The following DPP10 variants were observed in gnomAD, a reference collection of about 807,000 sequenced individuals.
DPP10 encodes the protein inactive dipeptidyl peptidase 10.
DPP10 carries 33 observed loss-of-function variants against 120.9 expected under a neutral mutation model. That is an observed-to-expected ratio of 0.27 (90% CI 0.21 to 0.37). The LOEUF (loss-of-function observed/expected upper bound fraction) is 0.37. Among genes scored for constraint, DPP10 ranks in the 10% least tolerant of loss-of-function variants. The probability of loss-of-function intolerance (pLI) is 1.00; values close to 1 mark genes in which losing one functional copy is unlikely to be tolerated. For synonymous variants in DPP10, 337 were observed against 326.1 expected (o/e 1.03, Z -0.36); for missense variants, 816 against 942.8 (o/e 0.87, Z 1.76).
chr2:115,432,805 TG>T (rs2071127759), intron 3 of DPP10, among the ~76,000 whole-genome samples: 1 of 151,656 alleles, frequency 6.6e-6, no homozygotes, highest in Non-Finnish European at 1.5e-5. Flanking sequence ...CTGCATTGAG[TG>T]GGTAGAGACT....
At chr2:114,714,638 T>C (rs1701240436) in intron 1 of DPP10, among the ~76,000 whole-genome samples, 1 of 152,148 alleles carries the variant, frequency 6.6e-6, no homozygotes, top group Non-Finnish European at 1.5e-5. Context: ...TCTGAAAAGC[T>C]CATGGCATAT....
intron 3 of DPP10, among the ~76,000 whole-genome samples, chr2:115,371,199 C>T (rs562959625): frequency 3.3e-5 from 5 of 152,108 alleles, no homozygotes; most frequent in South Asian, 2.1e-4. Context: ...TGCTTTCACC[C>T]GCCCGTCATG....
intron 1 of DPP10, among the ~76,000 whole-genome samples, chr2:115,177,271 C>G (rs1285285952): frequency 6.6e-6 from 1 of 152,146 alleles, no homozygotes; most frequent in African/African-American, 2.4e-5. Flanking sequence ...TCTTCCTTGT[C>G]TCCCGTAATG....
intron 1 of DPP10, among the ~76,000 whole-genome samples, chr2:114,532,827 G>A (rs1686147647): frequency 6.6e-6 from 1 of 152,138 alleles, no homozygotes; most frequent in South Asian, 2.1e-4. Context: ...GCATGTCAGA[G>A]GCCCCACTCA....
At chr2:115,061,327 C>CT (rs956662892) in intron 1 of DPP10, among the ~76,000 whole-genome samples, 3 of 152,238 alleles carry the variant, frequency 2.0e-5, no homozygotes, top group African/African-American at 7.2e-5. Flanking sequence ...GAATCATTTA[C>CT]TTTTTTTCAA....
At chr2:115,516,590 T>TTC (rs2077518067) in intron 4 of DPP10, among the ~76,000 whole-genome samples, 1 of 146,978 alleles carries the variant, frequency 6.8e-6, no homozygotes, top group African/African-American at 2.5e-5. Flanking sequence ...TTTTTTTTTT[T>TTC]CCAAGTGAAT....
intron 10 of DPP10, among the ~76,000 whole-genome samples, chr2:115,749,318 C>T (rs536362524): frequency 1.5e-3 from 228 of 152,144 alleles, no homozygotes; most frequent in Middle Eastern, 3.4e-3. Flanking sequence ...TTGTGTAGAC[C>T]TCTCTAGTCT....
chr2:115,353,814 T>C (rs116038294), intron 3 of DPP10, among the ~76,000 whole-genome samples: 2,766 of 152,286 alleles, frequency 0.018, 45 homozygotes, highest in South Asian at 0.038. Flanking sequence ...AAGCCACATC[T>C]TTCATGTTTA....
At chr2:114,915,519 T>C (rs932830841) in intron 1 of DPP10, among the ~76,000 whole-genome samples, 1 of 152,158 alleles carries the variant, frequency 6.6e-6, no homozygotes, top group Non-Finnish European at 1.5e-5. Context: ...TACAGAACAA[T>C]CCATCCAACA....
At chr2:115,221,789 A>C (rs1261881564) in intron 1 of DPP10, among the ~76,000 whole-genome samples, 1 of 137,778 alleles carries the variant, frequency 7.3e-6, no homozygotes, top group African/African-American at 2.8e-5. Flanking sequence ...TCTATGAGCT[A>C]AGAGAAAACC....
intron 1 of DPP10, among the ~76,000 whole-genome samples, chr2:115,135,576 C>T (rs58860704): frequency 0.062 from 9,421 of 152,150 alleles, 392 homozygotes; most frequent in East Asian, 0.23. Context: ...TTAAATGGAA[C>T]ATTTTAAAGC....
At chr2:115,044,792 A>G (rs1704935803) in intron 1 of DPP10, among the ~76,000 whole-genome samples, 1 of 152,130 alleles carries the variant, frequency 6.6e-6, no homozygotes, top group African/African-American at 2.4e-5. Context: ...CCAATGTCTG[A>G]TAACTATCAT....
At chr2:115,356,639 A>G (rs893097635) in intron 3 of DPP10, among the ~76,000 whole-genome samples, 2 of 152,126 alleles carry the variant, frequency 1.3e-5, no homozygotes, top group African/African-American at 2.4e-5. Flanking sequence ...ACCAGTTTTC[A>G]AAGGGAATGC....
intron 5 of DPP10, among the ~76,000 whole-genome samples, chr2:115,682,771 T>C (rs2090745463): frequency 6.6e-6 from 1 of 151,884 alleles, no homozygotes; most frequent in Non-Finnish European, 1.5e-5. Context: ...AAAATAAATA[T>C]ATCAAATAAA....
intron 1 of DPP10, among the ~76,000 whole-genome samples, chr2:115,060,031 T>C (rs1366080558): frequency 6.6e-6 from 1 of 152,020 alleles, no homozygotes; most frequent in Non-Finnish European, 1.5e-5. Context: ...TCAATGTAAT[T>C]TACTAACAAT....
chr2:115,450,941 A>G (rs2073061025), intron 3 of DPP10, among the ~76,000 whole-genome samples: 1 of 151,908 alleles, frequency 6.6e-6, no homozygotes, highest in African/African-American at 2.4e-5. Context: ...GCTGTTTTTC[A>G]GTTAATATTA....
chr2:114,630,688 AC>A (rs1313542564), intron 1 of DPP10, among the ~76,000 whole-genome samples: 1 of 152,132 alleles, frequency 6.6e-6, no homozygotes, highest in Non-Finnish European at 1.5e-5. Context: ...CAGTTTTACA[AC>A]CCTTAAACCC....
chr2:115,800,008 A>G (rs1286578534), intron 19 of DPP10, among the ~76,000 whole-genome samples: 3 of 151,686 alleles, frequency 2.0e-5, no homozygotes, highest in African/African-American at 7.3e-5. Flanking sequence ...AGGAATCGCC[A>G]CACCGACTTC....
rs182030566 is a variant in DPP10 at position 114,451,457 on chromosome 2, C to T, written c.60+8619C>T. On this transcript the variant is annotated intron_variant, in intron 1 of 25. Coordinates refer to ENST00000410059, the MANE Select transcript of DPP10 (RefSeq NM_020868.6). ...AAGAGGGATAAATACTTAGGTTTGT[C>T]GTTGGTGGGAAGGGAGGCATTCACA... Among the ~76,000 whole-genome samples the T allele has an allele frequency of 2.2e-4, 33 of 151,910 alleles. No individual in the cohort carries two copies. In the South Asian group the frequency reaches 3.5e-3, roughly 16 times the overall value.
Sources: allele counts gnomAD v4.1 joint callset (sites outside exome capture counted in the v4.1 genomes callset), GRCh38; gene constraint gnomAD v4.1.1; transcripts MANE v1.5; gene names NCBI Gene and HGNC (gene_info 2026-07-23, HGNC 2026-07-21).